FKBP15: variants seen among roughly 807,000 people sequenced by gnomAD.
The protein encoded by FKBP15 is FK506-binding protein 15.
In FKBP15, 106 loss-of-function variants were observed where a neutral mutation model predicts 158.1. The observed-to-expected ratio is 0.67, with a 90% confidence interval of 0.57 to 0.79. The LOEUF (loss-of-function observed/expected upper bound fraction) is 0.79. Among genes scored for constraint, FKBP15 ranks in the 30% least tolerant of loss-of-function variants. The probability of loss-of-function intolerance (pLI) is 0.00; values close to 1 mark genes in which losing one functional copy is unlikely to be tolerated. For synonymous variants in FKBP15, 547 were observed against 548.6 expected (o/e 1.00, Z 0.04); for missense variants, 1,287 against 1,479.1 (o/e 0.87, Z 2.13).
At chr9:113,181,063 T>A (rs1212579740) in intron 19 of FKBP15, among the ~76,000 whole-genome samples, 1 of 152,182 alleles carries the variant, frequency 6.6e-6, no homozygotes, top group Non-Finnish European at 1.5e-5. Flanking sequence ...GATGATCAAG[T>A]AAAACATGTG....
At chr9:113,205,123 G>C (rs376843070) in intron 4 of FKBP15, among the ~76,000 whole-genome samples, 1 of 152,000 alleles carries the variant, frequency 6.6e-6, no homozygotes, top group South Asian at 2.1e-4. Context: ...CCTTGGTTTT[G>C]GTAATGGATT....
At chr9:113,178,598 A>C in intron 20 of FKBP15, 32 bp downstream of exon 20, 1 of 1,557,392 alleles carries the variant, frequency 6.4e-7, no homozygotes. Flanking sequence ...TTTAAATGGC[A>C]ACAATCCCAG....
At position 113,162,644 on chromosome 9, in the gene FKBP15, A is replaced by T; in HGVS notation, c.*3434T>A. 9.5e-7 allele frequency: 1 copy of T among 1,047,522 alleles called. No homozygotes were observed. The highest frequency in any genetic ancestry group is 1.6e-5 in the African/African-American group (1 of 62,678). The allele number at this position is 1,047,522 out of a possible 1,614,324, so 64.9% of individuals were successfully genotyped here. ...GGGTTAAGCATACAAGTTATAAATC[A>T]ATCGGGTCACGTAACTCAACAGCTT... is the stretch of plus-strand genomic sequence containing the variant. On this transcript the variant is annotated 3_prime_UTR_variant, in exon 28 of 28. Coordinates refer to ENST00000238256, the MANE Select transcript of FKBP15 (RefSeq NM_015258.2).
At position 113,202,606 on chromosome 9, in the gene FKBP15, G is replaced by T; in HGVS notation, c.423C>A (p.Thr141=). 1 of 1,574,648 alleles carries T rather than the reference G, an allele frequency of 6.4e-7. No individual in the cohort carries two copies. Among genetic ancestry groups the T allele is most frequent in the East Asian group, 2.3e-5 (1 of 43,364 alleles). Residue 141 remains threonine (T), a synonymous_variant, in exon 6 of 28, where the codon ACC becomes ACA. Transcript: ENST00000238256. ...AGTTCTGTCTCTGGTCATCATAAAA[G>T]GTGCTATAGTTATTGGGCCGAACCT... ...ELMVRPNNYS[T]FYDDQRQNWS... is the part of the protein sequence containing the mutation.
chr9:113,170,150 G>C (rs1190570210), intron 25 of FKBP15, among the ~76,000 whole-genome samples: 1 of 151,878 alleles, frequency 6.6e-6, no homozygotes, highest in Non-Finnish European at 1.5e-5. Context: ...TGGAGACAGG[G>C]TCTTGCTCTG....
In FKBP15 at chr9:113,199,902, A is replaced by G. The variant is rs142639501; in HGVS notation, c.560T>C (p.Ile187Thr). 1.1e-4 allele frequency: 170 copies of G among 1,613,504 alleles called. No homozygotes were observed. The East Asian group carries it at 2.9e-3, about 28-fold the overall frequency. Residue 187 changes from isoleucine (I) to threonine (T), a missense_variant, in exon 7 of 28, where the codon ATT (isoleucine) becomes ACT (threonine). By Grantham distance (89) the Ile-to-Thr change is moderately conservative. Coordinates refer to ENST00000238256, the MANE Select transcript of FKBP15 (RefSeq NM_015258.2). ...SLDAVLSQDL[I>T]VADGPAVEVG... ...TTCTACAGCAGGGCCGTCTGCCACAATGAGGTCCTGGGAGAGCACTGCATC... is the reference window on the plus strand; with the variant it reads ...TTCTACAGCAGGGCCGTCTGCCACAGTGAGGTCCTGGGAGAGCACTGCATC...
chr9:113,168,923 T>G (rs1165408408), intron 26 of FKBP15, among the ~76,000 whole-genome samples: 1 of 151,966 alleles, frequency 6.6e-6, no homozygotes, highest in Non-Finnish European at 1.5e-5. Flanking sequence ...TGACTGTCAC[T>G]CCTTAAACTC....
In FKBP15 at chr9:113,169,650, A is replaced by T. The variant is rs762585277; in HGVS notation, c.3059T>A (p.Ile1020Lys). The T allele has an allele frequency of 1.2e-6, 2 of 1,613,924 alleles. No homozygotes were observed. The highest frequency in any genetic ancestry group is 2.2e-5 in the South Asian group (2 of 91,080). Residue 1020 changes from isoleucine to lysine, a missense_variant, in exon 26 of 28, where the codon ATA (isoleucine) becomes AAA (lysine). Ile to Lys is a moderately radical substitution (Grantham distance 102). Coordinates refer to ENST00000238256, the MANE Select transcript of FKBP15 (RefSeq NM_015258.2). Reference sequence around the variant, plus strand: ...TTCGGGTGGAAGGGAACCATCTTTTATCTCTGAGAGTGCCTCAGCTTCTGA... The same window carrying T: ...TTCGGGTGGAAGGGAACCATCTTTTTTCTCTGAGAGTGCCTCAGCTTCTGA... ...GDSEAEALSE[I>K]KDGSLPPELS...
In FKBP15 at chr9:113,202,601, TA is replaced by T; in HGVS notation, c.427del (p.Tyr143MetfsTer52). 2 of 1,576,586 alleles carry T rather than the reference TA, an allele frequency of 1.3e-6. No individual in the cohort carries two copies. The highest frequency in any genetic ancestry group is 1.8e-5 in the Admixed American group (1 of 54,406). On this transcript the variant is annotated frameshift_variant, in exon 6 of 28. Transcript: ENST00000238256. LOFTEE classifies it high-confidence loss of function. The part of the protein sequence containing the change: ...MVRPNNYSTF[Y>X]DDQRQNWSIM... ...GGACCAGTTCTGTCTCTGGTCATCA[TA>T]AAAGGTGCTATAGTTATTGGGCCGA... is the stretch of plus-strand genomic sequence containing the variant.
intron 21 of FKBP15, among the ~76,000 whole-genome samples, chr9:113,175,496 G>T (rs1444389546): frequency 6.6e-6 from 1 of 152,190 alleles, no homozygotes; most frequent in Non-Finnish European, 1.5e-5. Context: ...CTCAGGAGCA[G>T]TTTATTATTT....
intron 20 of FKBP15, among the ~76,000 whole-genome samples, chr9:113,178,347 TC>T (rs1830333242): frequency 6.6e-6 from 1 of 152,180 alleles, no homozygotes; most frequent in Non-Finnish European, 1.5e-5. Flanking sequence ...CATCAACTAT[TC>T]CAGGCATTTG....
intron 11 of FKBP15, among the ~76,000 whole-genome samples, chr9:113,193,267 CT>C (rs1564171221): frequency 6.6e-6 from 1 of 152,150 alleles, no homozygotes; most frequent in Non-Finnish European, 1.5e-5. Flanking sequence ...AGCCTCTTAA[CT>C]TTTTTTTCTC....
intron 3 of FKBP15, 65 bp downstream of exon 3, chr9:113,207,147 A>G: frequency 7.9e-7 from 1 of 1,267,770 alleles, no homozygotes; most frequent in Non-Finnish European, 1.1e-6. Context: ...GTTTTTCGAG[A>G]AAAAGTAGCT....
chr9:113,171,742 A>AACTTGGATT, intron 23 of FKBP15, 36 bp from the exon 24 acceptor site: 4 of 1,470,558 alleles, frequency 2.7e-6, no homozygotes, highest in Middle Eastern at 1.8e-4. Context: ...TGGCCTCAGG[A>AACTTGGATT]ACCAGGTGAA....
At chr9:113,185,659 T>A (rs1830474024) in intron 15 of FKBP15, among the ~76,000 whole-genome samples, 2 of 152,356 alleles carry the variant, frequency 1.3e-5, no homozygotes, top group African/African-American at 4.8e-5. Flanking sequence ...TGTACATGCA[T>A]ACAAAATATC....
In FKBP15 at chr9:113,166,058, T is replaced by C. The variant is rs746569032; in HGVS notation, c.*20A>G. The C allele has an allele frequency of 1.2e-6, 2 of 1,610,066 alleles. No individual in the cohort carries two copies. The highest frequency in any genetic ancestry group is 1.7e-4 in the Middle Eastern group (1 of 6,052). On this transcript the variant is annotated 3_prime_UTR_variant, in exon 28 of 28. Coordinates refer to ENST00000238256, the MANE Select transcript of FKBP15 (RefSeq NM_015258.2). ...TAGGGAAGGGTTGCAGAGAAACCTT[T>C]GCACCAGTTTCCTGGGTCTTCATCC...
intron 6 of FKBP15, among the ~76,000 whole-genome samples, chr9:113,201,680 G>A (rs2118927936): frequency 6.6e-6 from 1 of 152,280 alleles, no homozygotes; most frequent in Middle Eastern, 3.4e-3. Flanking sequence ...GACCGTGCTG[G>A]CACCCTGATC....
chr9:113,189,452 T>G lies in FKBP15; in HGVS notation c.1174-961A>C, dbSNP rs1830537760. On this transcript the variant is annotated intron_variant, in intron 12 of 27. Coordinates refer to ENST00000238256, the MANE Select transcript of FKBP15 (RefSeq NM_015258.2). Reference sequence around the variant, plus strand: ...TGAATGCCCTTTTTGTTCAATATGTTTCTTTTCTATAATTTTAAATTATTC... The same window carrying G: ...TGAATGCCCTTTTTGTTCAATATGTGTCTTTTCTATAATTTTAAATTATTC... 3.3e-5 allele frequency among the ~76,000 whole-genome samples: 5 copies of G among 152,250 alleles called. No individual in the cohort carries two copies. The South Asian group carries it at 1.0e-3, about 32-fold the overall frequency.
intron 10 of FKBP15, 59 bp from the exon 11 acceptor site, chr9:113,193,608 A>G: frequency 7.3e-7 from 1 of 1,378,354 alleles, no homozygotes; most frequent in Non-Finnish European, 1.0e-6. Context: ...CACAAGTCCA[A>G]ATTATATTGG....
Sources: gnomAD v4.1 joint callset for allele counts (sites outside exome capture counted in the v4.1 genomes callset) on GRCh38, gnomAD v4.1.1 for gene constraint, MANE v1.5 for transcripts, NCBI Gene and HGNC (gene_info 2026-07-23, HGNC 2026-07-21) for gene names.